Variants in ZBBX observed in about 807,000 individuals in gnomAD.
ZBBX encodes zinc finger B-box domain containing, also known as zinc finger B-box domain-containing protein 1.
A neutral mutation model predicts 108.5 loss-of-function variants in ZBBX; 101 were observed. That is an observed-to-expected ratio of 0.93 (90% CI 0.79 to 1.10). The LOEUF is 1.10. Ranked by LOEUF, ZBBX falls within the 50% of genes least tolerant of loss-of-function variation. ZBBX has a pLI of 0.00. For synonymous variants in ZBBX, 356 were observed against 323.4 expected, an observed-to-expected ratio of 1.10 and a Z score of -1.08; for missense variants, 1,009 against 941.4, an observed-to-expected ratio of 1.07 and a Z score of -0.94.
chr3:167,242,719 T>C (rs902344388), intron 20 of ZBBX, 76 bp from the exon 21 acceptor site: 3 of 1,301,258 alleles, frequency 2.3e-6, no homozygotes, highest in Non-Finnish European at 3.1e-6. Context: ...GCTGAATGTT[T>C]ACCCAGAGTA....
At chr3:167,234,518 A>C in the ZBBX span, among the ~76,000 whole-genome samples, 2 of 152,012 alleles carry the variant, frequency 1.3e-5, no homozygotes, top group East Asian at 3.9e-4. Context: ...AGACATAAAA[A>C]GACTAAAAAA....
At chr3:167,348,318 A>AAGAAAGAAAGAAAG (rs1741932555) in intron 9 of ZBBX, among the ~76,000 whole-genome samples, 1 of 74,626 alleles carries the variant, frequency 1.3e-5, no homozygotes, top group African/African-American at 6.0e-5. Context: ...AAGAAAGAGA[A>AAGAAAGAAAGAAAG]AGAAAGAAAG....
intron 10 of ZBBX, 100 bp downstream of exon 10, chr3:167,333,727 A>C (rs1447653028): frequency 9.5e-7 from 1 of 1,055,990 alleles, no homozygotes; most frequent in Non-Finnish European, 1.3e-6. Context: ...AAATGTGATG[A>C]AATTATTGGT....
At chr3:167,287,391 T>A (rs1395747678) in intron 19 of ZBBX, among the ~76,000 whole-genome samples, 1 of 152,138 alleles carries the variant, frequency 6.6e-6, no homozygotes, top group East Asian at 1.9e-4. Context: ...CAGCCTTAAT[T>A]AATCAGAATC....
chr3:167,366,510 T>A (rs908616826), intron 5 of ZBBX, among the ~76,000 whole-genome samples: 1 of 151,832 alleles, frequency 6.6e-6, no homozygotes, highest in Admixed American at 6.6e-5. Flanking sequence ...CATAACAAAA[T>A]ATTTTTGAAG....
intron 9 of ZBBX, among the ~76,000 whole-genome samples, chr3:167,344,356 T>G (rs1479099470): frequency 6.6e-6 from 1 of 151,830 alleles, no homozygotes; most frequent in East Asian, 1.9e-4. Flanking sequence ...GAATGAATTG[T>G]GTGGTATATG....
intron 19 of ZBBX, among the ~76,000 whole-genome samples, chr3:167,285,084 T>A (rs1350304845): frequency 6.6e-6 from 1 of 152,126 alleles, no homozygotes; most frequent in East Asian, 1.9e-4. Flanking sequence ...TCAGTTATAT[T>A]CTAAATGTAA....
At chr3:167,264,347 C>G (rs370172034) in intron 20 of ZBBX, among the ~76,000 whole-genome samples, 8 of 151,980 alleles carry the variant, frequency 5.3e-5, no homozygotes, top group African/African-American at 9.7e-5. Context: ...CTTTAATTTA[C>G]GCTTTTTATT....
chr3:167,384,429 C>A (rs1217085815), upstream of ZBBX, among the ~76,000 whole-genome samples: 1 of 151,858 alleles, frequency 6.6e-6, no homozygotes. Context: ...GATAACCAGC[C>A]GTGGAAGAGC....
chr3:167,367,874 A>G, intron 5 of ZBBX, among the ~76,000 whole-genome samples: 1 of 149,996 alleles, frequency 6.7e-6, no homozygotes, highest in East Asian at 1.9e-4. Context: ...GCATAATATT[A>G]GAAAGTTCTC....
Position 167,316,996 on chromosome 3 carries a change from T to G in ZBBX, c.1194+9A>C. 2 of 1,530,284 alleles carry G rather than the reference T, an allele frequency of 1.3e-6. No individual in the cohort carries two copies. Among genetic ancestry groups the G allele is most frequent in the Non-Finnish European group, 1.8e-6 (2 of 1,111,228 alleles). The allele number at this position is 1,530,284 out of a possible 1,614,324, so 94.8% of individuals were successfully genotyped here. ...ATCATGAATGGTCATTATGCACTTA[T>G]GCACTTACATCATCCAGTTCGACTA... On this transcript the variant is annotated intron_variant, in intron 14 of 21. Transcript: ENST00000675490.
Position 167,305,837 on chromosome 3 carries a change from T to C in ZBBX, c.1531A>G (p.Ile511Val), listed in dbSNP as rs1319148606. The C allele has an allele frequency of 1.9e-6, 3 of 1,611,348 alleles. No homozygotes were observed. Among genetic ancestry groups the C allele is most frequent in the Non-Finnish European group, 2.5e-6 (3 of 1,178,834 alleles). ...SFERNLKEKN[I>V]GLESNQKSDD... The stretch of plus-strand genomic sequence containing the variant: ...GACTTTTGATTACTTTCTAAACCTA[T>C]ATTTTTCTCCTTTAAATTTCTTTCA... Residue 511 changes from isoleucine (I) to valine (V), a missense_variant, in exon 17 of 22, where the codon ATA becomes GTA. Transcript: ENST00000675490.
At chr3:167,273,121 A>C (rs1726841224) in intron 20 of ZBBX, among the ~76,000 whole-genome samples, 1 of 152,178 alleles carries the variant, frequency 6.6e-6, no homozygotes, top group Admixed American at 6.5e-5. Flanking sequence ...TCTCCTTCTG[A>C]GCTTTCTTCT....
chr3:167,231,667 G>C, the ZBBX span, among the ~76,000 whole-genome samples: 3 of 151,804 alleles, frequency 2.0e-5, no homozygotes, highest in African/African-American at 7.2e-5. Flanking sequence ...CTATTTTGCA[G>C]TGGAAGACAT....
chr3:167,198,713 T>C, the ZBBX span, among the ~76,000 whole-genome samples: 2 of 152,296 alleles, frequency 1.3e-5, no homozygotes, highest in Non-Finnish European at 2.9e-5. Context: ...CATAGCTGTT[T>C]TTTGAGTTAG....
chr3:167,263,280 G>T (rs187489028), intron 20 of ZBBX, among the ~76,000 whole-genome samples: 1 of 151,902 alleles, frequency 6.6e-6, no homozygotes, highest in Non-Finnish European at 1.5e-5. Flanking sequence ...CATGAGCTAT[G>T]GTGCCTGTCC....
chr3:167,205,391 T>C, the ZBBX span, among the ~76,000 whole-genome samples: 1 of 152,016 alleles, frequency 6.6e-6, no homozygotes, highest in Non-Finnish European at 1.5e-5. Flanking sequence ...AGAAAAAAAA[T>C]AAAACACTAA....
the ZBBX span, among the ~76,000 whole-genome samples, chr3:167,192,499 TG>T: frequency 6.6e-6 from 1 of 152,214 alleles, no homozygotes; most frequent in Non-Finnish European, 1.5e-5. Context: ...TGTATGAATT[TG>T]AGCTTCTTTA....
intron 6 of ZBBX, 90 bp from the exon 7 acceptor site, chr3:167,360,813 T>C (rs1744383292): frequency 1.3e-6 from 1 of 746,468 alleles, no homozygotes; most frequent in South Asian, 3.3e-5. Flanking sequence ...GCTGTAGCTT[T>C]GGTGCTTTTC....
Sources: gnomAD v4.1 joint callset for allele counts (sites outside exome capture counted in the v4.1 genomes callset) on GRCh38, gnomAD v4.1.1 for gene constraint, MANE v1.5 for transcripts, NCBI Gene and HGNC (gene_info 2026-07-23, HGNC 2026-07-21) for gene names.